The following BCL11A variants were observed in gnomAD, a reference collection of about 807,000 sequenced individuals.
BCL11A encodes the protein BCL11 transcription factor A.
A neutral mutation model predicts 55.9 loss-of-function variants in BCL11A; 2 were observed. The ratio of observed to expected loss-of-function variants is 0.04; its 90% CI spans 0.01 to 0.11. The LOEUF is 0.11. Among genes scored for constraint, BCL11A ranks in the 10% least tolerant of loss-of-function variants. The pLI is 1.00. For synonymous variants in BCL11A, 465 were observed against 473.4 expected (o/e 0.98, Z 0.23); for missense variants, 817 against 1,137.1 (o/e 0.72, Z 4.05).
intron 2 of BCL11A, among the ~76,000 whole-genome samples, chr2:60,490,814 A>C (rs1678587268): frequency 1.3e-5 from 2 of 152,212 alleles, no homozygotes; most frequent in Admixed American, 1.3e-4. Context: ...ATAGCATATA[A>C]ATGACTGATT....
In BCL11A at chr2:60,465,862, C is replaced by T. The variant is rs73932587; in HGVS notation, c.487+2870G>A. On this transcript the variant is annotated intron_variant, in intron 3 of 3. Coordinates refer to ENST00000642384, the MANE Select transcript of BCL11A (RefSeq NM_022893.4). ...TAATGACTAACCACATTACACACCC[C>T]GAACGGCTTCCAGAGGAAGGTCCCA... Among the ~76,000 whole-genome samples, 513 of 152,318 alleles carry T rather than the reference C, an allele frequency of 3.4e-3. 5 individuals are homozygous for T. The highest frequency in any genetic ancestry group is 0.012 in the African/African-American group (500 of 41,552).
At chr2:60,464,389 T>C (rs541672125) in intron 3 of BCL11A, among the ~76,000 whole-genome samples, 3 of 152,320 alleles carry the variant, frequency 2.0e-5, no homozygotes, top group African/African-American at 4.8e-5. Flanking sequence ...GAACAATAAC[T>C]TGGGTCCCAA....
intron 2 of BCL11A, among the ~76,000 whole-genome samples, chr2:60,476,444 T>A (rs1274156086): frequency 6.6e-6 from 1 of 152,266 alleles, no homozygotes; most frequent in East Asian, 1.9e-4. Flanking sequence ...CTGGCACCCA[T>A]TGCTCACAAA....
intron 1 of BCL11A, chr2:60,550,891 C>T (rs1670383464): frequency 7.5e-6 from 3 of 398,140 alleles, no homozygotes. Context: ...AACTTCACAC[C>T]GCCGCGCGCC....
intron 2 of BCL11A, among the ~76,000 whole-genome samples, chr2:60,479,301 A>G (rs1677813240): frequency 6.6e-6 from 1 of 152,236 alleles, no homozygotes; most frequent in African/African-American, 2.4e-5. Context: ...CTCTGCGGGC[A>G]CAGCGGCCAC....
chr2:60,508,388 C>T (rs947854229), intron 2 of BCL11A, among the ~76,000 whole-genome samples: 1 of 152,208 alleles, frequency 6.6e-6, no homozygotes, highest in Admixed American at 6.5e-5. Flanking sequence ...GGAGCAAGCA[C>T]TGCAGCCGGG....
At chr2:60,491,689 G>GAAAAAAAA (rs759978839) in intron 2 of BCL11A, among the ~76,000 whole-genome samples, 7 of 134,746 alleles carry the variant, frequency 5.2e-5, no homozygotes, top group East Asian at 2.1e-4. Flanking sequence ...AAAGAAAAAA[G>GAAAAAAAA]AAAAAAAAAA....
At chr2:60,472,662 G>C (rs1376474934) in intron 2 of BCL11A, among the ~76,000 whole-genome samples, 2 of 152,196 alleles carry the variant, frequency 1.3e-5, no homozygotes, top group Non-Finnish European at 2.9e-5. Context: ...TTGACAAAGA[G>C]CTCTAAGCCC....
chr2:60,488,598 A>C (rs1244527270), intron 2 of BCL11A, among the ~76,000 whole-genome samples: 1 of 152,242 alleles, frequency 6.6e-6, no homozygotes, highest in Non-Finnish European at 1.5e-5. Flanking sequence ...CAATGAAAGA[A>C]AATACTTACT....
At chr2:60,488,764 GTTT>G (rs753902282) in intron 2 of BCL11A, among the ~76,000 whole-genome samples, 1 of 151,700 alleles carries the variant, frequency 6.6e-6, no homozygotes, top group Non-Finnish European at 1.5e-5. Context: ...TTGTTTGTTT[GTTT>G]TTTGTTTCTG....
chr2:60,515,819 G>C (rs1668702964), intron 2 of BCL11A, among the ~76,000 whole-genome samples: 1 of 152,110 alleles, frequency 6.6e-6, no homozygotes, highest in Non-Finnish European at 1.5e-5. Flanking sequence ...CCCCTGACTT[G>C]AGCTCCCAGG....
intron 2 of BCL11A, among the ~76,000 whole-genome samples, chr2:60,498,428 C>T (rs1459339885): frequency 6.6e-6 from 1 of 152,056 alleles, no homozygotes; most frequent in East Asian, 1.9e-4. Context: ...ACAGAGGGGT[C>T]CCACAAGATC....
chr2:60,502,670 G>A (rs1679356267), intron 2 of BCL11A, among the ~76,000 whole-genome samples: 1 of 152,202 alleles, frequency 6.6e-6, no homozygotes, highest in Non-Finnish European at 1.5e-5. Flanking sequence ...GAAACTCTTT[G>A]TGTTGTAATG....
intron 2 of BCL11A, chr2:60,545,612 G>A (rs749881933): frequency 1.2e-4 from 26 of 214,696 alleles, no homozygotes; most frequent in African/African-American, 5.2e-4. Context: ...CCTCTGACAC[G>A]TCACCAAGGC....
intron 2 of BCL11A, chr2:60,527,863 T>C (rs539746988): frequency 1.3e-5 from 2 of 152,380 alleles, no homozygotes; most frequent in South Asian, 4.1e-4. Context: ...CATTGTGTAA[T>C]CCATCTGCAA....
At chr2:60,513,879 G>A (rs752669774) in intron 2 of BCL11A, among the ~76,000 whole-genome samples, 1 of 152,204 alleles carries the variant, frequency 6.6e-6, no homozygotes, top group Non-Finnish European at 1.5e-5. Flanking sequence ...CTTCCAGACA[G>A]GCACCTCCAT....
At chr2:60,474,628 G>A (rs1677416643) in intron 2 of BCL11A, among the ~76,000 whole-genome samples, 1 of 152,176 alleles carries the variant, frequency 6.6e-6, no homozygotes, top group African/African-American at 2.4e-5. Context: ...TGCATAAAAA[G>A]ACAAATTGTC....
At chr2:60,499,561 C>T (rs1444898059) in intron 2 of BCL11A, 1 of 152,324 alleles carries the variant, frequency 6.6e-6, no homozygotes, top group Non-Finnish European at 1.5e-5. Flanking sequence ...CAAGCTCCTT[C>T]AACGTCCCAC....
chr2:60,480,856 C>T (rs565865460), intron 2 of BCL11A, among the ~76,000 whole-genome samples: 8 of 152,204 alleles, frequency 5.3e-5, no homozygotes, highest in Non-Finnish European at 1.0e-4. Context: ...TCATCCCCTA[C>T]CTGCACCCCC....
Sources: allele counts gnomAD v4.1 joint callset (sites outside exome capture counted in the v4.1 genomes callset), GRCh38; gene constraint gnomAD v4.1.1; transcripts MANE v1.5; gene names NCBI Gene and HGNC (gene_info 2026-07-23, HGNC 2026-07-21).